SPHKAP: variants seen among roughly 807,000 people sequenced by gnomAD.
SPHKAP encodes the protein SPHK1 interactor, AKAP domain containing.
SPHKAP carries 67 observed loss-of-function variants against 137.5 expected under a neutral mutation model. The ratio of observed to expected loss-of-function variants is 0.49; its 90% CI spans 0.40 to 0.60. SPHKAP has a LOEUF of 0.60. Among genes scored for constraint, SPHKAP ranks in the 20% least tolerant of loss-of-function variants. The probability of loss-of-function intolerance (pLI) is 0.00; values close to 1 mark genes in which losing one functional copy is unlikely to be tolerated. For synonymous variants in SPHKAP, 813 were observed against 785.3 expected, an observed-to-expected ratio of 1.04 and a Z score of -0.59; for missense variants, 2,097 against 2,069.3, an observed-to-expected ratio of 1.01 and a Z score of -0.26.
intron 3 of SPHKAP, among the ~76,000 whole-genome samples, chr2:228,100,323 ATTTC>A (rs927361883): frequency 2.6e-5 from 4 of 152,114 alleles, no homozygotes; most frequent in Admixed American, 2.6e-4. Context: ...GATGCCTTTT[ATTTC>A]TTTCTCTTGC....
chr2:228,094,772 T>G (rs1007441458), intron 3 of SPHKAP, among the ~76,000 whole-genome samples: 1 of 151,830 alleles, frequency 6.6e-6, no homozygotes, highest in Admixed American at 6.6e-5. Flanking sequence ...AGGGTGGCAG[T>G]TGGGAACTAG....
At chr2:228,010,519 G>A (rs944148544) in intron 7 of SPHKAP, among the ~76,000 whole-genome samples, 30 of 152,230 alleles carry the variant, frequency 2.0e-4, no homozygotes, top group African/African-American at 7.2e-5. Context: ...GTGACAGAGC[G>A]AAACTCCATC....
At chr2:227,992,474 G>A (rs1693452889) in intron 9 of SPHKAP, among the ~76,000 whole-genome samples, 1 of 149,662 alleles carries the variant, frequency 6.7e-6, no homozygotes, top group Non-Finnish European at 1.5e-5. Context: ...GATTTTCCCT[G>A]GGGTTGTAGG....
chr2:228,054,987 A>C (rs1034127765), intron 3 of SPHKAP, among the ~76,000 whole-genome samples: 1 of 151,824 alleles, frequency 6.6e-6, no homozygotes, highest in African/African-American at 2.4e-5. Flanking sequence ...TAAAAATACC[A>C]AAAAATTAGC....
chr2:228,113,289 G>T (rs1442037640), intron 2 of SPHKAP, among the ~76,000 whole-genome samples: 1 of 151,742 alleles, frequency 6.6e-6, no homozygotes, highest in Non-Finnish European at 1.5e-5. Flanking sequence ...GAACTGTCTG[G>T]GCTAACATCC....
intron 3 of SPHKAP, among the ~76,000 whole-genome samples, chr2:228,069,258 A>T (rs998680109): frequency 3.9e-5 from 6 of 151,984 alleles, no homozygotes; most frequent in African/African-American, 1.5e-4. Flanking sequence ...CAAGAGCAAA[A>T]CTCTGTCTCA....
chr2:228,174,579 G>A (rs551817830), intron 1 of SPHKAP, among the ~76,000 whole-genome samples: 23 of 152,178 alleles, frequency 1.5e-4, no homozygotes, highest in African/African-American at 5.5e-4. Flanking sequence ...CTTTAACATG[G>A]GAATATGACG....
chr2:228,157,950 A>G (rs1021132677), intron 1 of SPHKAP, among the ~76,000 whole-genome samples: 40 of 152,234 alleles, frequency 2.6e-4, no homozygotes, highest in African/African-American at 8.9e-4. Flanking sequence ...AGCCATGGTT[A>G]TTAGCCTGCT....
chr2:228,153,158 C>A (rs1559203049), intron 1 of SPHKAP, among the ~76,000 whole-genome samples: 1 of 152,104 alleles, frequency 6.6e-6, no homozygotes, highest in African/African-American at 2.4e-5. Context: ...TTATAAATTA[C>A]CCAGTCTCAG....
chr2:228,030,542 A>C (rs866727472), intron 3 of SPHKAP, among the ~76,000 whole-genome samples: 10 of 61,378 alleles, frequency 1.6e-4, no homozygotes, highest in African/African-American at 8.9e-4. Flanking sequence ...ACAACAAAAA[A>C]CAAAAAAAAA....
At chr2:227,991,676 T>C (rs1349652047) in intron 9 of SPHKAP, 44 of 985,138 alleles carry the variant, frequency 4.5e-5, no homozygotes, top group Non-Finnish European at 5.2e-5. Context: ...GGGTAACTAG[T>C]TCTGATTTGG....
chr2:228,101,845 T>C (rs1698190233), intron 3 of SPHKAP, among the ~76,000 whole-genome samples: 1 of 152,228 alleles, frequency 6.6e-6, no homozygotes, highest in Admixed American at 6.5e-5. Context: ...TGGTCATTTC[T>C]TTAAAATATG....
At chr2:228,131,221 C>A in intron 2 of SPHKAP, 2 of 853,064 alleles carry the variant, frequency 2.3e-6, no homozygotes, top group Non-Finnish European at 2.8e-6. Flanking sequence ...TAATTTACAT[C>A]TATAAGAATT....
intron 7 of SPHKAP, among the ~76,000 whole-genome samples, chr2:227,998,047 C>T (rs1013297315): frequency 6.6e-5 from 10 of 152,122 alleles, no homozygotes; most frequent in African/African-American, 2.4e-4. Context: ...TGCTTTGATG[C>T]CCAGGCTGAA....
In SPHKAP at chr2:228,025,279, C is replaced by A. The variant is rs541207408; in HGVS notation, c.441+115G>T. 3.1e-5 allele frequency: 35 copies of A among 1,138,758 alleles called. No homozygotes were observed. In the Admixed American group the frequency reaches 3.4e-4, roughly 11 times the overall value. 70.5% of individuals were successfully genotyped at this position (1,138,758 alleles called of 1,614,324 possible). ...CAGACTTTTCTCAAATATAAAGACA[C>A]TTTGATTCCTATGTTACAGAAGCTT... On this transcript the variant is annotated intron_variant, in intron 5 of 11. Coordinates refer to ENST00000392056, the MANE Select transcript of SPHKAP (RefSeq NM_001142644.2).
At chr2:228,059,813 T>C (rs1696575611) in intron 3 of SPHKAP, among the ~76,000 whole-genome samples, 1 of 152,228 alleles carries the variant, frequency 6.6e-6, no homozygotes, top group South Asian at 2.1e-4. Flanking sequence ...TTTCCTTCAG[T>C]GAGTTTGGTT....
In SPHKAP at chr2:228,018,978, C is replaced by A. The variant is rs777655431; in HGVS notation, c.1876G>T (p.Val626Phe). The change falls in exon 7 of 12, where the codon GTT becomes TTT. Residue 626 changes from valine (V) to phenylalanine (F), a missense_variant. By Grantham distance (50) the Val-to-Phe change is conservative. Transcript: ENST00000392056. ...CTGTAGGTATTAGGCCTTGTTAAAACCAGAGCAGCCTCCTTGAGCAATCCC... is the reference window on the plus strand; with the variant it reads ...CTGTAGGTATTAGGCCTTGTTAAAAACAGAGCAGCCTCCTTGAGCAATCCC... Reference protein sequence around the residue: ...AKGLLKEAALVLTRPNTYSSI... With the variant: ...AKGLLKEAALFLTRPNTYSSI... 6.2e-7 allele frequency: 1 copy of A among 1,614,002 alleles called. No homozygotes were observed. The highest frequency in any genetic ancestry group is 8.5e-7 in the Non-Finnish European group (1 of 1,179,998).
intron 3 of SPHKAP, among the ~76,000 whole-genome samples, chr2:228,105,776 A>G (rs1473545185): frequency 6.6e-6 from 1 of 152,070 alleles, no homozygotes; most frequent in Non-Finnish European, 1.5e-5. Context: ...CTTGCCTGCC[A>G]CCATATGAGT....
chr2:228,071,755 A>G (rs1245301366), intron 3 of SPHKAP, among the ~76,000 whole-genome samples: 1 of 151,576 alleles, frequency 6.6e-6, no homozygotes, highest in Non-Finnish European at 1.5e-5. Context: ...GCAGCTACAG[A>G]CCTCTATCTA....
Sources: allele counts gnomAD v4.1 joint callset (sites outside exome capture counted in the v4.1 genomes callset), GRCh38; gene constraint gnomAD v4.1.1; transcripts MANE v1.5; gene names NCBI Gene and HGNC (gene_info 2026-07-23, HGNC 2026-07-21).